The following TRAPPC9 variants were observed in gnomAD, a reference collection of about 807,000 sequenced individuals.
TRAPPC9 encodes the protein IKK2 binding protein.
A neutral mutation model predicts 124.0 loss-of-function variants in TRAPPC9; 83 were observed. The observed-to-expected ratio is 0.67, with a 90% CI of 0.56 to 0.80. The LOEUF (loss-of-function observed/expected upper bound fraction) is 0.80, where lower values mean the gene tolerates loss of function less well. TRAPPC9 is among the 30% of genes least tolerant of loss of function. TRAPPC9 has a pLI of 0.00. For synonymous variants in TRAPPC9, 638 were observed against 617.5 expected (o/e 1.03, Z -0.49); for missense variants, 1,302 against 1,508.3 (o/e 0.86, Z 2.27).
intron 21 of TRAPPC9, among the ~76,000 whole-genome samples, chr8:139,757,072 C>A (rs1819877867): frequency 7.7e-6 from 1 of 129,912 alleles, no homozygotes. Context: ...ATGAGGACAG[C>A]AGGTCACAGG....
chr8:140,262,867 T>G (rs889676255), intron 15 of TRAPPC9: 1 of 152,244 alleles, frequency 6.6e-6, no homozygotes, highest in African/African-American at 2.4e-5. Flanking sequence ...CATAATTAAT[T>G]CTACTTGAAG....
intron 21 of TRAPPC9, among the ~76,000 whole-genome samples, chr8:139,845,820 C>T (rs1332436393): frequency 6.6e-6 from 1 of 152,236 alleles, no homozygotes; most frequent in Non-Finnish European, 1.5e-5. Context: ...CTGCTACTTG[C>T]AGCCAAGTAG....
chr8:140,059,571 G>C lies in TRAPPC9; in HGVS notation c.2557-35492C>G, dbSNP rs560921452. ...ACACCATTGTACACTGTCACCAGCA[G>C]TACAGGTGCGTTCCACCTATCATAC... On this transcript the variant is annotated intron_variant, in intron 17 of 22. Coordinates refer to ENST00000438773, the MANE Select transcript of TRAPPC9 (RefSeq NM_001160372.4). Among the ~76,000 whole-genome samples, 15 of 152,338 alleles carry C rather than the reference G, an allele frequency of 9.8e-5. No homozygotes were observed. In the East Asian group the frequency reaches 2.7e-3, roughly 27 times the overall value.
At chr8:140,232,622 G>A (rs186271577) in intron 16 of TRAPPC9, among the ~76,000 whole-genome samples, 9 of 152,302 alleles carry the variant, frequency 5.9e-5, no homozygotes, top group African/African-American at 1.9e-4. Context: ...CAACGTCACT[G>A]CGCATCAACA....
chr8:140,155,535 G>A (rs2061613823), intron 17 of TRAPPC9, among the ~76,000 whole-genome samples: 1 of 152,206 alleles, frequency 6.6e-6, no homozygotes, highest in Admixed American at 6.5e-5. Flanking sequence ...TGTTACAACG[G>A]AGGGGAGCTC....
chr8:139,732,564 G>A (rs1315276525), intron 21 of TRAPPC9, among the ~76,000 whole-genome samples: 3 of 152,218 alleles, frequency 2.0e-5, no homozygotes, highest in Non-Finnish European at 2.9e-5. Context: ...GCGTGGAAGG[G>A]GCCCTACAGG....
intron 21 of TRAPPC9, among the ~76,000 whole-genome samples, chr8:139,836,993 G>C (rs1446500097): frequency 1.5e-5 from 1 of 66,794 alleles, no homozygotes; most frequent in Non-Finnish European, 2.7e-5. Context: ...CTAGCGATCT[G>C]GGTTCAAGTC....
chr8:139,796,116 AGGGAGGAGGAAGAGGAGAAGG>A (rs1823067462), intron 21 of TRAPPC9, among the ~76,000 whole-genome samples: 6 of 134,396 alleles, frequency 4.5e-5, no homozygotes, highest in African/African-American at 1.4e-4. Context: ...GAAGAGGAGG[AGGGAGGAGGAAGAGGAGAAGG>A]AGGAGGAAGA....
At chr8:139,865,331 A>G (rs1828452510) in intron 21 of TRAPPC9, among the ~76,000 whole-genome samples, 1 of 152,202 alleles carries the variant, frequency 6.6e-6, no homozygotes, top group African/African-American at 2.4e-5. Context: ...GAGGAGACGG[A>G]CTGTTTCTCT....
intron 17 of TRAPPC9, among the ~76,000 whole-genome samples, chr8:140,037,335 C>A (rs1384434401): frequency 6.6e-6 from 1 of 150,908 alleles, no homozygotes; most frequent in Non-Finnish European, 1.5e-5. Context: ...GCTGTAAGTA[C>A]CAGCTAATAT....
intron 19 of TRAPPC9, among the ~76,000 whole-genome samples, chr8:139,967,023 A>T (rs1835749982): frequency 6.6e-6 from 1 of 152,198 alleles, no homozygotes; most frequent in South Asian, 2.1e-4. Context: ...TTTAATAAGC[A>T]TGGTAGTTTG....
At chr8:139,747,018 A>T (rs1193421225) in intron 21 of TRAPPC9, among the ~76,000 whole-genome samples, 1 of 152,230 alleles carries the variant, frequency 6.6e-6, no homozygotes, top group Non-Finnish European at 1.5e-5. Flanking sequence ...AAAAAATGGA[A>T]AATATGCCTG....
intron 21 of TRAPPC9, among the ~76,000 whole-genome samples, chr8:139,735,407 G>C (rs1250063530): frequency 5.3e-5 from 8 of 152,142 alleles, no homozygotes; most frequent in Admixed American, 2.6e-4. Context: ...TCTGTGCTGT[G>C]CAACCCAGCA....
At chr8:139,755,939 C>T (rs371774596) in intron 21 of TRAPPC9, among the ~76,000 whole-genome samples, 6 of 13,484 alleles carry the variant, frequency 4.4e-4, no homozygotes, top group Middle Eastern at 0.038. Context: ...GGATGAGGAC[C>T]GCAGGTCGCA....
intron 16 of TRAPPC9, among the ~76,000 whole-genome samples, chr8:140,231,297 G>A (rs1587975716): frequency 6.6e-6 from 1 of 152,134 alleles, no homozygotes; most frequent in Non-Finnish European, 1.5e-5. Flanking sequence ...TGGCAGCCAA[G>A]AACTGTATGC....
At position 140,023,921 on chromosome 8, in the gene TRAPPC9, G is replaced by A. The variant is rs775480108; in HGVS notation, c.2699+16C>T. ...GACTCTAGAACAAGACGGCTGTGCG[G>A]CAGGAAGACATTTACCTGGTTGCTG... On this transcript the variant is annotated intron_variant, in intron 18 of 22. Transcript: ENST00000438773. 1.9e-6 allele frequency: 3 copies of A among 1,613,816 alleles called. No homozygotes were observed. The highest frequency in any genetic ancestry group is 2.2e-5 in the East Asian group (1 of 44,892).
In TRAPPC9 at chr8:140,413,559, T is replaced by C. The variant is rs542300567; in HGVS notation, c.887-7861A>G. 3.7e-4 allele frequency among the ~76,000 whole-genome samples: 56 copies of C among 150,958 alleles called. No homozygotes were observed. In the East Asian group the frequency reaches 4.1e-3, roughly 11 times the overall value. On this transcript the variant is annotated intron_variant, in intron 5 of 22. Coordinates refer to ENST00000438773, the MANE Select transcript of TRAPPC9 (RefSeq NM_001160372.4). ...AGTTTCAGGGTACATGTGCACAATG[T>C]GCAGGTTAGTTACATATGTATACAT...
intron 9 of TRAPPC9, among the ~76,000 whole-genome samples, chr8:140,341,885 C>T (rs554308107): frequency 4.6e-5 from 7 of 152,230 alleles, no homozygotes; most frequent in African/African-American, 1.7e-4. Flanking sequence ...GCTAAGGAGG[C>T]GGCCTGGGCC....
chr8:139,956,512 T>C (rs376185449), intron 19 of TRAPPC9, among the ~76,000 whole-genome samples: 34 of 152,278 alleles, frequency 2.2e-4, no homozygotes, highest in African/African-American at 7.5e-4. Context: ...CAGCATAGCG[T>C]CTCCTTGATG....
Sources: allele counts gnomAD v4.1 joint callset (sites outside exome capture counted in the v4.1 genomes callset), GRCh38; gene constraint gnomAD v4.1.1; transcripts MANE v1.5; gene names NCBI Gene and HGNC (gene_info 2026-07-23, HGNC 2026-07-21).